Variants in PARD3 observed in about 807,000 individuals in gnomAD.
PARD3 encodes partitioning defective 3 homolog.
Under a neutral mutation model 155.4 loss-of-function variants are expected in PARD3, and 75 were observed. The observed-to-expected ratio is 0.48, with a 90% CI of 0.40 to 0.58. PARD3 has a LOEUF of 0.58. Among genes scored for constraint, PARD3 ranks in the 20% least tolerant of loss-of-function variants. The pLI is 0.00. For missense variants in PARD3, 1,642 were observed against 1,721.7 expected (o/e 0.95, Z 0.82); for synonymous variants, 576 against 610.5 (o/e 0.94, Z 0.83).
intron 22 of PARD3, among the ~76,000 whole-genome samples, chr10:34,220,245 A>C (rs1395464536): frequency 6.6e-6 from 1 of 152,202 alleles, no homozygotes; most frequent in Non-Finnish European, 1.5e-5. Context: ...AAAATATTCA[A>C]CCACAAGGGA....
intron 2 of PARD3, among the ~76,000 whole-genome samples, chr10:34,606,001 ATATATATAT>A: frequency 7.9e-6 from 1 of 126,720 alleles, no homozygotes; most frequent in Non-Finnish European, 1.6e-5. Flanking sequence ...TATCTCCTAT[ATATATATAT>A]CTCCTATATC....
At position 34,331,182 on chromosome 10, in the gene PARD3, C is replaced by G; in HGVS notation, c.2768G>C (p.Arg923Thr). 1 of 1,614,066 alleles carries G rather than the reference C, an allele frequency of 6.2e-7. No individual in the cohort carries two copies. The highest frequency in any genetic ancestry group is 1.1e-5 in the South Asian group (1 of 91,076). ...ATCATAAGATTTGTCGATGGCAGCTCTGAAGCTCTCATTGCATCCCCTGCC... is the reference window on the plus strand; with the variant it reads ...ATCATAAGATTTGTCGATGGCAGCTGTGAAGCTCTCATTGCATCCCCTGCC... The part of the protein sequence containing the change: ...IRGRGCNESF[R>T]AAIDKSYDKP... The change falls in exon 19 of 25, where the codon AGA (arginine) becomes ACA (threonine). Residue 923 changes from arginine to threonine, a missense_variant. Coordinates refer to ENST00000374788, the MANE Select transcript of PARD3 (RefSeq NM_001184785.2).
intron 7 of PARD3, among the ~76,000 whole-genome samples, chr10:34,389,394 G>A (rs1186942030): frequency 6.6e-6 from 1 of 151,970 alleles, no homozygotes; most frequent in Non-Finnish European, 1.5e-5. Context: ...ATTTTTACAA[G>A]GTTCATTAGC....
At chr10:34,317,451 C>A in intron 19 of PARD3, 113 bp from the exon 20 acceptor site, 1 of 1,075,860 alleles carries the variant, frequency 9.3e-7, no homozygotes, top group Non-Finnish European at 1.3e-6. Context: ...CAGTATGGCC[C>A]TGCTAGCAAC....
chr10:34,274,308 A>C (rs674723), intron 21 of PARD3, among the ~76,000 whole-genome samples: 21,270 of 152,170 alleles, frequency 0.14, 3,934 homozygotes, highest in African/African-American at 0.43. Context: ...CAATTATGAC[A>C]GTTAAGGATG....
intron 3 of PARD3, among the ~76,000 whole-genome samples, chr10:34,483,923 G>C (rs2079265836): frequency 6.6e-6 from 1 of 152,092 alleles, no homozygotes; most frequent in Admixed American, 6.6e-5. Context: ...ATATATTGCT[G>C]ATTAAACTCA....
At chr10:34,494,779 T>TA (rs1280520419) in intron 3 of PARD3, among the ~76,000 whole-genome samples, 1 of 152,214 alleles carries the variant, frequency 6.6e-6, no homozygotes, top group Non-Finnish European at 1.5e-5. Flanking sequence ...GTTGTTCCCC[T>TA]AATCCCCATG....
At chr10:34,170,870 A>G (rs1383354313) in intron 22 of PARD3, among the ~76,000 whole-genome samples, 1 of 152,194 alleles carries the variant, frequency 6.6e-6, no homozygotes, top group African/African-American at 2.4e-5. Context: ...TGATTAGTGC[A>G]TCTGTCATAT....
intron 2 of PARD3, among the ~76,000 whole-genome samples, chr10:34,523,076 CTG>C: frequency 6.6e-6 from 1 of 152,320 alleles, no homozygotes; most frequent in East Asian, 1.9e-4. Flanking sequence ...TAAAATTTTT[CTG>C]AACATATCTG....
chr10:34,261,925 T>C (rs908509848), intron 22 of PARD3, among the ~76,000 whole-genome samples: 1 of 152,196 alleles, frequency 6.6e-6, no homozygotes, highest in African/African-American at 2.4e-5. Flanking sequence ...TATTTGATCA[T>C]AGATGAACAA....
intron 19 of PARD3, among the ~76,000 whole-genome samples, chr10:34,326,875 A>C (rs910285385): frequency 6.6e-6 from 1 of 152,210 alleles, no homozygotes; most frequent in Admixed American, 6.5e-5. Flanking sequence ...TCATGTTTGC[A>C]AGGCACAAAG....
chr10:34,289,465 C>T (rs1956569448), intron 20 of PARD3, among the ~76,000 whole-genome samples: 1 of 152,094 alleles, frequency 6.6e-6, no homozygotes, highest in Non-Finnish European at 1.5e-5. Flanking sequence ...GCTGGGACTA[C>T]AGGCGTGAGC....
intron 3 of PARD3, among the ~76,000 whole-genome samples, chr10:34,490,390 C>T (rs1024257206): frequency 6.7e-6 from 1 of 149,634 alleles, no homozygotes; most frequent in Non-Finnish European, 1.5e-5. Context: ...GGGCACATTA[C>T]AGAGAGAGAG....
intron 4 of PARD3, among the ~76,000 whole-genome samples, chr10:34,458,398 T>C (rs1589649596): frequency 6.6e-6 from 1 of 152,286 alleles, no homozygotes; most frequent in Non-Finnish European, 1.5e-5. Flanking sequence ...AGACTGAGTC[T>C]TACTATGTTG....
At chr10:34,794,574 G>T (rs983976256) in intron 1 of PARD3, among the ~76,000 whole-genome samples, 1 of 152,152 alleles carries the variant, frequency 6.6e-6, no homozygotes, top group Admixed American at 6.5e-5. Flanking sequence ...TGAACTTGGG[G>T]GTACTACTGC....
chr10:34,588,196 G>A (rs1291917468), intron 2 of PARD3, among the ~76,000 whole-genome samples: 1 of 152,182 alleles, frequency 6.6e-6, no homozygotes, highest in Non-Finnish European at 1.5e-5. Flanking sequence ...GTCATGAGAT[G>A]TTTTGTTCTC....
At chr10:34,680,332 G>A (rs1260300172) in intron 2 of PARD3, among the ~76,000 whole-genome samples, 1 of 152,114 alleles carries the variant, frequency 6.6e-6, no homozygotes, top group Non-Finnish European at 1.5e-5. Flanking sequence ...GCCGAGGCGG[G>A]CTGATCACTT....
intron 12 of PARD3, among the ~76,000 whole-genome samples, chr10:34,365,119 C>T (rs1450138019): frequency 6.6e-6 from 1 of 152,202 alleles, no homozygotes; most frequent in Non-Finnish European, 1.5e-5. Context: ...CCTAAACCTT[C>T]TACAGTTTGC....
At chr10:34,183,137 G>C (rs1427717147) in intron 22 of PARD3, among the ~76,000 whole-genome samples, 1 of 152,190 alleles carries the variant, frequency 6.6e-6, no homozygotes, top group Non-Finnish European at 1.5e-5. Flanking sequence ...GTCAAATAAA[G>C]CAGTGACTGA....
Sources: gnomAD v4.1 joint callset for allele counts (sites outside exome capture counted in the v4.1 genomes callset) on GRCh38, gnomAD v4.1.1 for gene constraint, MANE v1.5 for transcripts, NCBI Gene and HGNC (gene_info 2026-07-23, HGNC 2026-07-21) for gene names.